FAR1: variants seen among roughly 807,000 people sequenced by gnomAD.
The protein encoded by FAR1 is fatty acyl-CoA reductase 1.
A neutral mutation model predicts 61.1 loss-of-function variants in FAR1; 22 were observed. That is an observed-to-expected ratio of 0.36 (90% CI 0.26 to 0.51). FAR1 has a LOEUF of 0.51. Ranked by LOEUF, FAR1 falls within the 20% of genes least tolerant of loss-of-function variation. The probability of loss-of-function intolerance (pLI) is 0.95; values close to 1 mark genes in which losing one functional copy is unlikely to be tolerated. For missense variants in FAR1, 359 were observed against 626.9 expected (o/e 0.57, Z 4.56); for synonymous variants, 206 against 209.7 (o/e 0.98, Z 0.15).
chr11:13,685,274 A>G (rs1050853444), intron 1 of FAR1, among the ~76,000 whole-genome samples: 4 of 151,908 alleles, frequency 2.6e-5, no homozygotes, highest in Admixed American at 2.0e-4. Context: ...TTTAGATTTT[A>G]ACTACCTGAT....
At chr11:13,674,398 A>T (rs1440139585) in intron 1 of FAR1, among the ~76,000 whole-genome samples, 1 of 151,912 alleles carries the variant, frequency 6.6e-6, no homozygotes, top group Non-Finnish European at 1.5e-5. Context: ...TAGCTACTTG[A>T]TGTGTAACTT....
At chr11:13,697,196 A>G (rs1235065024) in intron 2 of FAR1, among the ~76,000 whole-genome samples, 2 of 152,174 alleles carry the variant, frequency 1.3e-5, no homozygotes, top group Non-Finnish European at 2.9e-5. Context: ...ACGGTGGTTC[A>G]TGCCTATAAT....
At chr11:13,676,145 T>C (rs1049140964) in intron 1 of FAR1, among the ~76,000 whole-genome samples, 1 of 152,174 alleles carries the variant, frequency 6.6e-6, no homozygotes, top group African/African-American at 2.4e-5. Flanking sequence ...CAAACAAGTG[T>C]TTTTAATTAT....
In FAR1 at chr11:13,700,342, A is replaced by T; in HGVS notation, c.215A>T (p.Asn72Ile). 1 of 1,590,906 alleles carries T rather than the reference A, an allele frequency of 6.3e-7. No homozygotes were observed. Among genetic ancestry groups the T allele is most frequent in the Non-Finnish European group, 8.5e-7 (1 of 1,172,786 alleles). Residue 72 changes from asparagine (N) to isoleucine (I), a missense_variant, in exon 3 of 12, where the codon AAT becomes ATT. Physicochemically the swap from Asn to Ile is moderately radical, Grantham distance 149. Transcript: ENST00000354817. ...CTTTTTGACAGATTGAGAGATGAAA[A>T]TCCAGATTTTAGAGAGAAAATTATA... is the stretch of plus-strand genomic sequence containing the variant. ...GKLFDRLRDENPDFREKIIAI... is the reference protein window; with the variant it reads ...GKLFDRLRDEIPDFREKIIAI...
intron 3 of FAR1, among the ~76,000 whole-genome samples, chr11:13,706,424 G>A (rs1591265771): frequency 1.3e-5 from 2 of 152,010 alleles, no homozygotes; most frequent in African/African-American, 4.8e-5. Flanking sequence ...TCAGTTTGTA[G>A]TATCAACAAC....
chr11:13,722,850 C>CTCTT (rs1193189721), intron 10 of FAR1, among the ~76,000 whole-genome samples: 2 of 141,784 alleles, frequency 1.4e-5, no homozygotes, highest in Non-Finnish European at 3.1e-5. Flanking sequence ...CTCCCTCTCT[C>CTCTT]TCTCTCTCTA....
intron 1 of FAR1, among the ~76,000 whole-genome samples, chr11:13,670,663 T>C (rs2134163231): frequency 6.6e-6 from 1 of 152,178 alleles, no homozygotes; most frequent in African/African-American, 2.4e-5. Context: ...ATTAGGCTTG[T>C]TGGGAAATTT....
In FAR1 at chr11:13,728,717, T is replaced by C. The variant is rs1393534346; in HGVS notation, c.1491T>C (p.Val497=). 1.2e-6 allele frequency: 2 copies of C among 1,612,458 alleles called. No individual in the cohort carries two copies. Among genetic ancestry groups the C allele is most frequent in the South Asian group, 2.2e-5 (2 of 91,040 alleles). The change falls in exon 12 of 12, where the codon GTT becomes GTC. Residue 497 remains valine, a synonymous_variant. Coordinates refer to ENST00000354817, the MANE Select transcript of FAR1 (RefSeq NM_032228.6). ...QMARNIWYFV[V]SLCYKFLSYF... ...CAAGAAATATCTGGTACTTTGTGGT[T>C]AGTCTGTGTTACAAGTTTTTGTCAT...
At chr11:13,680,108 G>A (rs537357783) in intron 1 of FAR1, among the ~76,000 whole-genome samples, 1 of 152,170 alleles carries the variant, frequency 6.6e-6, no homozygotes, top group Admixed American at 6.5e-5. Context: ...TGCTACAGCT[G>A]ATCTTTATTT....
chr11:13,690,992 T>C (rs1054799581), intron 1 of FAR1, among the ~76,000 whole-genome samples: 1 of 152,222 alleles, frequency 6.6e-6, no homozygotes, highest in African/African-American at 2.4e-5. Flanking sequence ...TCACATAATA[T>C]AAAATAACCA....
intron 9 of FAR1, among the ~76,000 whole-genome samples, chr11:13,718,100 C>A (rs958167879): frequency 6.6e-6 from 1 of 152,120 alleles, no homozygotes; most frequent in Non-Finnish European, 1.5e-5. Flanking sequence ...CTCTTAGATC[C>A]TGCCTTTTGA....
At chr11:13,722,274 A>G (rs1848617793) in intron 10 of FAR1, among the ~76,000 whole-genome samples, 1 of 151,944 alleles carries the variant, frequency 6.6e-6, no homozygotes, top group Non-Finnish European at 1.5e-5. Flanking sequence ...TGGAACTTAA[A>G]TTCTTTGTGT....
At chr11:13,720,095 C>T (rs1848594690) in intron 9 of FAR1, 1 of 152,074 alleles carries the variant, frequency 6.6e-6, no homozygotes, top group African/African-American at 2.4e-5. Context: ...AATATATGGC[C>T]TTTCAAATTT....
chr11:13,712,241 A>G (rs1848507364), intron 7 of FAR1, among the ~76,000 whole-genome samples, 195 bp downstream of exon 7: 1 of 151,944 alleles, frequency 6.6e-6, no homozygotes, highest in African/African-American at 2.4e-5. Context: ...TGAAGAATTA[A>G]TGTTAATGCT....
intron 1 of FAR1, among the ~76,000 whole-genome samples, chr11:13,690,795 C>T (rs1848241105): frequency 6.6e-6 from 1 of 152,018 alleles, no homozygotes; most frequent in African/African-American, 2.4e-5. Context: ...ATTATATTGA[C>T]TTTAAGGATG....
chr11:13,676,503 G>A (rs1200967041), intron 1 of FAR1, among the ~76,000 whole-genome samples: 1 of 152,146 alleles, frequency 6.6e-6, no homozygotes, highest in Non-Finnish European at 1.5e-5. Context: ...ACAACCAGAA[G>A]TAATGCAGGA....
chr11:13,698,887 C>G (rs1419015097), intron 2 of FAR1, among the ~76,000 whole-genome samples: 1 of 151,946 alleles, frequency 6.6e-6, no homozygotes, highest in Admixed American at 6.6e-5. Context: ...TAAAATTCAT[C>G]TTTTTAATGT....
At chr11:13,688,973 C>G (rs1172490580) in intron 1 of FAR1, among the ~76,000 whole-genome samples, 3 of 151,968 alleles carry the variant, frequency 2.0e-5, no homozygotes, top group Non-Finnish European at 4.4e-5. Flanking sequence ...TTTAATTAGG[C>G]TTTTTGTCAC....
intron 2 of FAR1, among the ~76,000 whole-genome samples, chr11:13,696,780 C>G (rs979699848): frequency 6.6e-6 from 1 of 152,046 alleles, no homozygotes; most frequent in Non-Finnish European, 1.5e-5. Flanking sequence ...AAAAATGAGT[C>G]CTTTTTATGT....
Sources: allele counts gnomAD v4.1 joint callset (sites outside exome capture counted in the v4.1 genomes callset), GRCh38; gene constraint gnomAD v4.1.1; transcripts MANE v1.5; gene names NCBI Gene and HGNC (gene_info 2026-07-23, HGNC 2026-07-21).